CYTH3: variants seen among roughly 807,000 people sequenced by gnomAD.
CYTH3 encodes cytohesin 3.
Under a neutral mutation model 55.1 loss-of-function variants are expected in CYTH3, and 23 were observed. That is an observed-to-expected ratio of 0.42 (90% CI 0.30 to 0.59). CYTH3 has a LOEUF of 0.59. CYTH3 is among the 20% of genes least tolerant of loss of function. The probability of loss-of-function intolerance (pLI) is 0.20; values close to 1 mark genes in which losing one functional copy is unlikely to be tolerated. For synonymous variants in CYTH3, 249 were observed against 194.9 expected, an observed-to-expected ratio of 1.28 and a Z score of -2.31; for missense variants, 413 against 524.8, an observed-to-expected ratio of 0.79 and a Z score of 2.08.
chr7:6,217,552 T>A (rs1475451847), intron 1 of CYTH3, among the ~76,000 whole-genome samples: 2 of 152,108 alleles, frequency 1.3e-5, no homozygotes, highest in East Asian at 3.9e-4. Flanking sequence ...AGCTGCAAAA[T>A]ATGTGATTCC....
At chr7:6,176,253 GA>G (rs1433076308) in intron 5 of CYTH3, among the ~76,000 whole-genome samples, 118 of 124,260 alleles carry the variant, frequency 9.5e-4, no homozygotes, top group African/African-American at 3.6e-3. Context: ...AAATACAATT[GA>G]TTTTTTTTTT....
chr7:6,210,353 G>A (rs1784295817), intron 1 of CYTH3, among the ~76,000 whole-genome samples: 1 of 152,172 alleles, frequency 6.6e-6, no homozygotes, highest in Non-Finnish European at 1.5e-5. Context: ...CTTTGTGAAA[G>A]TCATCTCTGA....
chr7:6,224,455 G>T (rs1779188803), intron 1 of CYTH3, among the ~76,000 whole-genome samples: 1 of 152,030 alleles, frequency 6.6e-6, no homozygotes, highest in Non-Finnish European at 1.5e-5. Flanking sequence ...AAAGAATGAG[G>T]GTCTAGACCC....
intron 1 of CYTH3, among the ~76,000 whole-genome samples, chr7:6,217,477 G>A (rs1416370979): frequency 6.6e-6 from 1 of 152,106 alleles, no homozygotes; most frequent in Non-Finnish European, 1.5e-5. Flanking sequence ...AACTACCAGA[G>A]ACAGATACTA....
rs770560431 is a variant in CYTH3, at chr7:6,171,229, A to G, written c.535T>C (p.Cys179Arg). The G allele has an allele frequency of 6.2e-7, 1 of 1,614,168 alleles. No individual in the cohort carries two copies. The highest frequency in any genetic ancestry group is 8.5e-7 in the Non-Finnish European group (1 of 1,179,998). Residue 179 changes from cysteine to arginine, a missense_variant, in exon 7 of 13, where the codon TGC (cysteine) becomes CGC (arginine). By Grantham distance (180) the Cys-to-Arg change is radical (BLOSUM62 -3). Coordinates refer to ENST00000350796, the MANE Select transcript of CYTH3 (RefSeq NM_004227.4). This position sits in a 1 kb window ranked among gnomAD's most constrained non-coding sequence, Gnocchi z 6.7. ...MEAFASRYCL[C>R]NPGVFQSTDT... ...GTGGACTGGAAGACCCCGGGGTTGC[A>G]CAGGCAGTAGCGAGAAGCGAAAGCC...
intron 1 of CYTH3, among the ~76,000 whole-genome samples, chr7:6,271,049 G>C (rs1371546051): frequency 1.3e-5 from 2 of 152,138 alleles, no homozygotes; most frequent in African/African-American, 4.8e-5. Context: ...AATTGTGACA[G>C]GCAGGAAACA....
In CYTH3 at chr7:6,190,463, T is replaced by C. The variant is rs1783774463; in HGVS notation, c.103A>G (p.Ile35Val). 3 of 1,236,240 alleles carry C rather than the reference T, an allele frequency of 2.4e-6. No individual in the cohort carries two copies. The highest frequency in any genetic ancestry group is 3.3e-6 in the Non-Finnish European group (3 of 923,072). 76.6% of individuals were successfully genotyped at this position (1,236,240 alleles called of 1,614,324 possible). Residue 35 changes from isoleucine to valine, a missense_variant, in exon 2 of 13, where the codon ATT (isoleucine) becomes GTT (valine). Transcript: ENST00000350796. ...LDIRRRKKEL[I>V]DDIERLKYEI... is the part of the protein sequence containing the mutation. ...TTTTTTTTTACCTCAATGTCATCAA[T>C]AAGTTCCTTTTTTCTTCGACGAATG...
At position 6,260,064 on chromosome 7, in the gene CYTH3, G is replaced by A. The variant is rs1365806072; in HGVS notation, c.34+12410C>T. On this transcript the variant is annotated intron_variant, in intron 1 of 12. Transcript: ENST00000350796. ...GGCTGGTGTGGAACTCCCAACCTCAGGTGATCCACCCTCCTCGGCCTCCCA... is the reference window on the plus strand; with the variant it reads ...GGCTGGTGTGGAACTCCCAACCTCAAGTGATCCACCCTCCTCGGCCTCCCA... Among the ~76,000 whole-genome samples the A allele has an allele frequency of 4.0e-5, 6 of 150,440 alleles. No homozygotes were observed. The Admixed American group carries it at 4.0e-4, about 10-fold the overall frequency.
In CYTH3 at chr7:6,173,667, A is replaced by G. The variant is rs775618900; in HGVS notation, c.435T>C (p.Leu145=). The G allele has an allele frequency of 3.1e-6, 5 of 1,609,380 alleles. No homozygotes were observed. Among genetic ancestry groups the G allele is most frequent in the Admixed American group, 1.7e-5 (1 of 60,018 alleles). The change falls in exon 6 of 13, where the codon CTT becomes CTC. Residue 145 remains leucine, a synonymous_variant. Transcript: ENST00000350796. ...ATCATACTTACCTTAAGGCTTGTACAAGGTTGAGATCAGCAAACTCATGGA... is the reference window on the plus strand; with the variant it reads ...ATCATACTTACCTTAAGGCTTGTACGAGGTTGAGATCAGCAAACTCATGGA... ...VELHEFADLN[L]VQALRQFLWS... is the part of the protein sequence containing the mutation.
intron 1 of CYTH3, among the ~76,000 whole-genome samples, chr7:6,263,806 A>G (rs1242922264): frequency 6.6e-6 from 1 of 152,028 alleles, no homozygotes; most frequent in Non-Finnish European, 1.5e-5. Context: ...CTTCAGGAAA[A>G]AAAAAAAAAA....
At chr7:6,221,683 C>T (rs115409441) in intron 1 of CYTH3, among the ~76,000 whole-genome samples, 70 of 143,578 alleles carry the variant, frequency 4.9e-4, no homozygotes, top group Middle Eastern at 3.4e-3. Flanking sequence ...TGTGAATCTA[C>T]AAATTAGTTC....
chr7:6,190,342 T>C, intron 2 of CYTH3, 107 bp downstream of exon 2: 1 of 956,200 alleles, frequency 1.0e-6, no homozygotes, highest in Non-Finnish European at 1.5e-6. Flanking sequence ...TTTTTTGTTT[T>C]TGGGTTTTTT....
At chr7:6,197,512 G>A (rs541347180) in intron 1 of CYTH3, among the ~76,000 whole-genome samples, 34 of 152,086 alleles carry the variant, frequency 2.2e-4, no homozygotes, top group Non-Finnish European at 4.7e-4. Flanking sequence ...ATGAAATCCC[G>A]TCTCTACTAA....
At chr7:6,207,057 T>TCC (rs1214143784) in intron 1 of CYTH3, among the ~76,000 whole-genome samples, 1 of 151,326 alleles carries the variant, frequency 6.6e-6, no homozygotes, top group Non-Finnish European at 1.5e-5. Context: ...TAAGAAACAT[T>TCC]CCAATTTCAC....
At chr7:6,252,495 G>A (rs989594832) in intron 1 of CYTH3, among the ~76,000 whole-genome samples, 8 of 152,262 alleles carry the variant, frequency 5.3e-5, no homozygotes, top group African/African-American at 7.2e-5. Context: ...GGGAGACTCC[G>A]AGACCCTGTT....
At chr7:6,199,198 CA>C (rs1338077488) in intron 1 of CYTH3, among the ~76,000 whole-genome samples, 1 of 152,230 alleles carries the variant, frequency 6.6e-6, no homozygotes, top group Non-Finnish European at 1.5e-5. Flanking sequence ...TAGCCTTCCA[CA>C]AACTTAGATC....
chr7:6,251,886 C>T (rs1005065796), intron 1 of CYTH3, among the ~76,000 whole-genome samples: 1 of 152,060 alleles, frequency 6.6e-6, no homozygotes, highest in Non-Finnish European at 1.5e-5. Context: ...GCTACAATTA[C>T]AAGAAATATG....
intron 1 of CYTH3, among the ~76,000 whole-genome samples, chr7:6,252,605 G>C (rs186396916): frequency 1.3e-5 from 2 of 151,892 alleles, no homozygotes; most frequent in South Asian, 2.1e-4. Flanking sequence ...GCCCATCACC[G>C]GATACATGAA....
At position 6,185,236 on chromosome 7, in the gene CYTH3, G is replaced by C. The variant is rs1021938857; in HGVS notation, c.249+1814C>G. ...CAGGAAAGTTTTCACAGTGGCTAGA[G>C]TGTATGCATTAAACAAAAACCCTCC... is the stretch of plus-strand genomic sequence containing the variant. On this transcript the variant is annotated intron_variant, in intron 4 of 12. Transcript: ENST00000350796. 2.0e-5 allele frequency among the ~76,000 whole-genome samples: 3 copies of C among 152,368 alleles called. No homozygotes were observed. The East Asian group carries it at 5.8e-4, about 29-fold the overall frequency.
Sources: gnomAD v4.1 joint callset for allele counts (sites outside exome capture counted in the v4.1 genomes callset) on GRCh38, gnomAD v4.1.1 for gene constraint, Gnocchi (gnomAD v3.1) non-coding constraint, MANE v1.5 for transcripts, NCBI Gene and HGNC (gene_info 2026-07-23, HGNC 2026-07-21) for gene names.